CPED1: variants seen among roughly 807,000 people sequenced by gnomAD.
CPED1 encodes the protein cadherin like and PC-esterase domain containing 1.
Under a neutral mutation model 128.2 loss-of-function variants are expected in CPED1, and 114 were observed. The ratio of observed to expected loss-of-function variants is 0.89; its 90% CI spans 0.76 to 1.04. The LOEUF (loss-of-function observed/expected upper bound fraction) is 1.04. CPED1 is among the 50% of genes least tolerant of loss of function. The probability of loss-of-function intolerance (pLI) is 0.00; values close to 1 mark genes in which losing one functional copy is unlikely to be tolerated. For missense variants in CPED1, 1,211 were observed against 1,207.1 expected, an observed-to-expected ratio of 1.00 and a Z score of -0.05; for synonymous variants, 462 against 426.7, an observed-to-expected ratio of 1.08 and a Z score of -1.02.
Position 121,100,067 on chromosome 7 carries a change from A to G in CPED1, c.891A>G (p.Pro297=). 1 of 1,613,404 alleles carries G rather than the reference A, an allele frequency of 6.2e-7. No homozygotes were observed. Among genetic ancestry groups the G allele is most frequent in the South Asian group, 1.1e-5 (1 of 91,002 alleles). Residue 297 remains proline (P), a synonymous_variant, in exon 7 of 23, where the codon CCA becomes CCG. Transcript: ENST00000310396. ...ATTCGACGGGCACAGTTTGGAATCC[A>G]CCAAAGAAAAAACGCTTCACTGTCA... ...FIHSTGTVWN[P]PKKKRFTVKL...
At chr7:121,279,253 T>C (rs1243080210) in intron 22 of CPED1, among the ~76,000 whole-genome samples, 1 of 139,630 alleles carries the variant, frequency 7.2e-6, no homozygotes, top group African/African-American at 2.5e-5. Flanking sequence ...GAATGACTTT[T>C]CCTTATTTTT....
At chr7:120,990,770 G>T (rs1042888513) in intron 2 of CPED1, among the ~76,000 whole-genome samples, 1 of 152,162 alleles carries the variant, frequency 6.6e-6, no homozygotes, top group Admixed American at 6.5e-5. Flanking sequence ...GTAGATTCTG[G>T]TCGATCTTAT....
At chr7:121,210,893 A>G (rs1306471336) in intron 16 of CPED1, among the ~76,000 whole-genome samples, 21 of 152,042 alleles carry the variant, frequency 1.4e-4, no homozygotes, top group Non-Finnish European at 2.5e-4. Context: ...TACACATTGT[A>G]TGGCTATATC....
chr7:121,221,712 C>A (rs916415105), intron 16 of CPED1, among the ~76,000 whole-genome samples: 11 of 152,148 alleles, frequency 7.2e-5, no homozygotes, highest in Non-Finnish European at 1.3e-4. Flanking sequence ...CTCTGATAAC[C>A]AGTGATGATG....
chr7:121,135,922 A>G, intron 13 of CPED1, 118 bp from the exon 14 acceptor site: 1 of 681,318 alleles, frequency 1.5e-6, no homozygotes, highest in Non-Finnish European at 2.3e-6. Context: ...AGTGTTCACT[A>G]GTATAATAAA....
At chr7:121,155,209 A>G (rs1006790070) in intron 16 of CPED1, among the ~76,000 whole-genome samples, 4 of 152,232 alleles carry the variant, frequency 2.6e-5, no homozygotes, top group Non-Finnish European at 5.9e-5. Flanking sequence ...CTGATAAAAG[A>G]GGTCACAAAT....
At chr7:121,232,583 T>G (rs776939045) in intron 16 of CPED1, among the ~76,000 whole-genome samples, 1 of 152,088 alleles carries the variant, frequency 6.6e-6, no homozygotes, top group Non-Finnish European at 1.5e-5. Context: ...AGTGAATTTA[T>G]CTCCCCAGGA....
intron 3 of CPED1, among the ~76,000 whole-genome samples, chr7:121,029,654 A>G (rs987987615): frequency 6.6e-6 from 1 of 152,186 alleles, no homozygotes; most frequent in Admixed American, 6.5e-5. Flanking sequence ...GAGATAGCAT[A>G]TTAAGGTTAA....
chr7:121,097,018 T>G (rs1026464211), intron 5 of CPED1, among the ~76,000 whole-genome samples: 1 of 152,154 alleles, frequency 6.6e-6, no homozygotes, highest in African/African-American at 2.4e-5. Context: ...TGGTTTTTGG[T>G]GGGAAGAGGT....
At chr7:121,218,302 C>T (rs1797803852) in intron 16 of CPED1, among the ~76,000 whole-genome samples, 1 of 151,864 alleles carries the variant, frequency 6.6e-6, no homozygotes, top group South Asian at 2.1e-4. Context: ...TTTACACCCA[C>T]CTAATAATTG....
At chr7:121,133,722 G>A in intron 12 of CPED1, 101 bp from the exon 13 acceptor site, 1 of 747,526 alleles carries the variant, frequency 1.3e-6, no homozygotes. Flanking sequence ...GTTCATCAAA[G>A]TAACTGTGCC....
rs1265334023 is a variant in CPED1, at chr7:121,136,103, T to A, written c.1699+13T>A. On this transcript the variant is annotated intron_variant, in intron 14 of 22. Transcript: ENST00000310396. ...CATTGCAGTGATGGTGAGTTGAGAT[T>A]AAAGTGTTGTAGCAGCATAATAAAC... The A allele has an allele frequency of 6.4e-6, 10 of 1,551,770 alleles. No individual in the cohort carries two copies. The highest frequency in any genetic ancestry group is 2.8e-5 in the African/African-American group (2 of 71,450).
chr7:121,077,035 C>T (rs957224472), intron 5 of CPED1, among the ~76,000 whole-genome samples: 1 of 152,044 alleles, frequency 6.6e-6, no homozygotes, highest in Non-Finnish European at 1.5e-5. Flanking sequence ...CCTTTATTTT[C>T]TTCCTCCTGG....
intron 16 of CPED1, among the ~76,000 whole-genome samples, chr7:121,143,853 C>A (rs1048623731): frequency 1.3e-5 from 2 of 151,776 alleles, no homozygotes; most frequent in Non-Finnish European, 2.9e-5. Flanking sequence ...AAAAGACACA[C>A]ACACACAAAA....
intron 4 of CPED1, among the ~76,000 whole-genome samples, chr7:121,055,618 A>ATAT (rs1793476914): frequency 6.6e-6 from 1 of 150,602 alleles, no homozygotes; most frequent in Non-Finnish European, 1.5e-5. Context: ...TTATACATAT[A>ATAT]AAATATAATT....
intron 16 of CPED1, 143 bp from the exon 17 acceptor site, chr7:121,236,571 T>A (rs574772421): frequency 2.2e-6 from 1 of 457,652 alleles, no homozygotes; most frequent in South Asian, 5.3e-5. Context: ...CAACTATTGA[T>A]AAGCTAGCAG....
intron 5 of CPED1, among the ~76,000 whole-genome samples, chr7:121,070,616 A>G (rs944943153): frequency 1.5e-4 from 23 of 152,134 alleles, no homozygotes; most frequent in Non-Finnish European, 2.4e-4. Context: ...TGCAAACCCA[A>G]TGAATTTCTA....
At chr7:121,209,248 ATTG>A (rs1005977693) in intron 16 of CPED1, among the ~76,000 whole-genome samples, 1 of 151,938 alleles carries the variant, frequency 6.6e-6, no homozygotes, top group African/African-American at 2.4e-5. Flanking sequence ...TTCTCAGGTC[ATTG>A]TTTTTATATA....
At chr7:121,067,643 TG>T (rs1793874463) in intron 5 of CPED1, among the ~76,000 whole-genome samples, 1 of 152,224 alleles carries the variant, frequency 6.6e-6, no homozygotes, top group South Asian at 2.1e-4. Flanking sequence ...ATGGGATGGC[TG>T]GGTCGAATGG....
Sources: allele counts gnomAD v4.1 joint callset (sites outside exome capture counted in the v4.1 genomes callset), GRCh38; gene constraint gnomAD v4.1.1; transcripts MANE v1.5; gene names NCBI Gene and HGNC (gene_info 2026-07-23, HGNC 2026-07-21).